The following HPSE2 variants were observed in gnomAD, a reference collection of about 807,000 sequenced individuals.
The protein encoded by HPSE2 is heparanase 2 (inactive).
A neutral mutation model predicts 60.5 loss-of-function variants in HPSE2; 38 were observed. The observed-to-expected ratio is 0.63, with a 90% CI of 0.48 to 0.82. The LOEUF is 0.82. HPSE2 is among the 40% of genes least tolerant of loss of function. HPSE2 has a pLI of 0.00. For synonymous variants in HPSE2, 295 were observed against 293.2 expected (o/e 1.01, Z -0.06); for missense variants, 713 against 740.4 (o/e 0.96, Z 0.43).
chr10:98,503,265 A>G (rs1942088922), intron 9 of HPSE2, among the ~76,000 whole-genome samples: 1 of 151,936 alleles, frequency 6.6e-6, no homozygotes, highest in South Asian at 2.1e-4. Flanking sequence ...AAAAGAAAAC[A>G]CTCAACATAA....
chr10:98,547,324 T>C (rs1943715603), intron 9 of HPSE2, among the ~76,000 whole-genome samples: 2 of 145,058 alleles, frequency 1.4e-5, no homozygotes, highest in Non-Finnish European at 3.0e-5. Flanking sequence ...CAAAGGACTA[T>C]AAATCATGCT....
chr10:99,093,085 G>A (rs1486527414), intron 3 of HPSE2, among the ~76,000 whole-genome samples: 4 of 151,976 alleles, frequency 2.6e-5, no homozygotes, highest in Non-Finnish European at 2.9e-5. Flanking sequence ...AAAATTAACC[G>A]GGCATGGTGG....
At chr10:98,675,366 T>A (rs554115845) in intron 6 of HPSE2, among the ~76,000 whole-genome samples, 2 of 152,226 alleles carry the variant, frequency 1.3e-5, no homozygotes, top group African/African-American at 4.8e-5. Flanking sequence ...CAAAACCAGA[T>A]AGTCTGACTC....
At chr10:98,473,695 A>T (rs963591437) in intron 11 of HPSE2, among the ~76,000 whole-genome samples, 3 of 152,094 alleles carry the variant, frequency 2.0e-5, no homozygotes, top group African/African-American at 7.2e-5. Context: ...CTTTTAGGGT[A>T]GATATATAGA....
chr10:98,645,511 T>C (rs779458035), intron 6 of HPSE2, among the ~76,000 whole-genome samples: 9 of 152,244 alleles, frequency 5.9e-5, no homozygotes, highest in Non-Finnish European at 1.2e-4. Flanking sequence ...ATCTTTTTAA[T>C]AACTTCAGTC....
At position 99,182,617 on chromosome 10, in the gene HPSE2, T is replaced by C. The variant is rs753565658; in HGVS notation, c.449-38218A>G. ...GGAGATATCTGGGGACAGGGAGACATTCTGAGAAACTTAAAATCATAATAT... is the reference window on the plus strand; with the variant it reads ...GGAGATATCTGGGGACAGGGAGACACTCTGAGAAACTTAAAATCATAATAT... On this transcript the variant is annotated intron_variant, in intron 2 of 11. Transcript: ENST00000370552. 6.5e-4 allele frequency among the ~76,000 whole-genome samples: 99 copies of C among 152,180 alleles called. 1 individual carries two copies. The highest frequency in any genetic ancestry group is 2.6e-4 in the Non-Finnish European group (18 of 68,030).
chr10:99,232,546 A>C (rs1353426493), intron 1 of HPSE2, 41 bp from the exon 2 acceptor site: 1 of 1,547,546 alleles, frequency 6.5e-7, no homozygotes, highest in Non-Finnish European at 8.7e-7. Flanking sequence ...TTCCCAGGAC[A>C]GGACGAGAGC....
intron 5 of HPSE2, 64 bp downstream of exon 5, chr10:98,721,591 GAA>G: frequency 2.1e-6 from 3 of 1,414,150 alleles, no homozygotes; most frequent in Non-Finnish European, 3.0e-6. Context: ...ATAACCAAGA[GAA>G]ATGCAAATAC....
chr10:99,093,037 G>A (rs1425907115), intron 3 of HPSE2, among the ~76,000 whole-genome samples: 1 of 152,126 alleles, frequency 6.6e-6, no homozygotes, highest in Non-Finnish European at 1.5e-5. Flanking sequence ...AGACCAGCCT[G>A]GCCAACATAG....
intron 7 of HPSE2, among the ~76,000 whole-genome samples, chr10:98,631,223 TATCTC>T (rs1946357541): frequency 6.6e-6 from 1 of 152,234 alleles, no homozygotes; most frequent in East Asian, 1.9e-4. Flanking sequence ...CTGCACTTGT[TATCTC>T]AAACCACAGA....
chr10:98,484,936 G>GA (rs942758288), intron 10 of HPSE2, among the ~76,000 whole-genome samples: 2 of 152,100 alleles, frequency 1.3e-5, no homozygotes, highest in African/African-American at 4.8e-5. Flanking sequence ...AGAGGAAACA[G>GA]AAAAAAATGA....
intron 3 of HPSE2, among the ~76,000 whole-genome samples, chr10:99,138,441 C>T (rs1845743032): frequency 6.6e-6 from 1 of 152,074 alleles, no homozygotes; most frequent in African/African-American, 2.4e-5. Flanking sequence ...CACATGCACA[C>T]ACATGTTTAT....
intron 5 of HPSE2, 49 bp from the exon 6 acceptor site, chr10:98,693,996 A>C: frequency 7.3e-7 from 1 of 1,374,158 alleles, no homozygotes; most frequent in Non-Finnish European, 1.0e-6. Flanking sequence ...ATTAAACCAC[A>C]TCCCCTAAAT....
intron 2 of HPSE2, among the ~76,000 whole-genome samples, chr10:99,219,664 T>C (rs1849244912): frequency 6.6e-6 from 1 of 152,232 alleles, no homozygotes; most frequent in Non-Finnish European, 1.5e-5. Flanking sequence ...TTGAGCAACT[T>C]CCTTGAGTCT....
At chr10:98,536,726 C>T (rs1019325841) in intron 9 of HPSE2, among the ~76,000 whole-genome samples, 4 of 152,178 alleles carry the variant, frequency 2.6e-5, no homozygotes, top group African/African-American at 9.7e-5. Flanking sequence ...CATGCACACA[C>T]ATGCCACAAA....
chr10:99,093,392 T>C (rs1843586359), intron 3 of HPSE2, among the ~76,000 whole-genome samples: 1 of 152,150 alleles, frequency 6.6e-6, no homozygotes, highest in African/African-American at 2.4e-5. Flanking sequence ...TGAATAAATT[T>C]TTACATTCAC....
chr10:99,129,137 C>A (rs1589701050), intron 3 of HPSE2, among the ~76,000 whole-genome samples: 1 of 152,044 alleles, frequency 6.6e-6, no homozygotes, highest in African/African-American at 2.4e-5. Context: ...CACTGGAGCT[C>A]CCAAATTTAT....
At chr10:98,942,794 C>A (rs370201280) in intron 3 of HPSE2, among the ~76,000 whole-genome samples, 2 of 151,774 alleles carry the variant, frequency 1.3e-5, no homozygotes, top group African/African-American at 4.9e-5. Context: ...ATGTTTATTG[C>A]GGCACTATTC....
At chr10:98,634,053 G>A (rs905469816) in intron 7 of HPSE2, among the ~76,000 whole-genome samples, 17 of 152,144 alleles carry the variant, frequency 1.1e-4, no homozygotes, top group African/African-American at 4.1e-4. Flanking sequence ...TTCCTACTAT[G>A]TCTATACATA....
Sources: allele counts gnomAD v4.1 joint callset (sites outside exome capture counted in the v4.1 genomes callset), GRCh38; gene constraint gnomAD v4.1.1; transcripts MANE v1.5; gene names NCBI Gene and HGNC (gene_info 2026-07-23, HGNC 2026-07-21).